Variants in TLN2 observed in about 807,000 individuals in gnomAD.
TLN2 encodes talin 2, also known as talin-2.
Under a neutral mutation model 294.7 loss-of-function variants are expected in TLN2, and 118 were observed. The observed-to-expected ratio is 0.40, with a 90% CI of 0.34 to 0.47. The LOEUF (loss-of-function observed/expected upper bound fraction) is 0.47. TLN2 is among the 20% of genes least tolerant of loss of function. The pLI is 0.84. For missense variants in TLN2, 3,083 were observed against 3,282.2 expected (o/e 0.94, Z 1.48); for synonymous variants, 1,431 against 1,304.5 (o/e 1.10, Z -2.09).
chr15:62,577,975 A>G (rs1206819151), intron 1 of TLN2, among the ~76,000 whole-genome samples: 1 of 152,142 alleles, frequency 6.6e-6, no homozygotes, highest in Non-Finnish European at 1.5e-5. Flanking sequence ...TAGTTTGCTG[A>G]GAATGATGGT....
chr15:62,833,591 G>C lies in TLN2; in HGVS notation c.7090G>C (p.Ala2364Pro). 6.2e-7 allele frequency: 1 copy of C among 1,614,140 alleles called. No individual in the cohort carries two copies. The highest frequency in any genetic ancestry group is 1.1e-5 in the South Asian group (1 of 91,066). The change falls in exon 55 of 59, where the codon GCC (alanine) becomes CCC (proline). Residue 2364 changes from alanine (A) to proline (P), a missense_variant. Coordinates refer to ENST00000636159, the MANE Select transcript of TLN2 (RefSeq NM_015059.3). Reference sequence around the variant, plus strand: ...TGCCACAAGCGCCCTGGTCAAATCGGCCTCAGCAGCCCAGAGGGAGCTGGT... The same window carrying C: ...TGCCACAAGCGCCCTGGTCAAATCGCCCTCAGCAGCCCAGAGGGAGCTGGT... Reference protein sequence around the residue: ...AAATSALVKSASAAQRELVAQ... With the variant: ...AAATSALVKSPSAAQRELVAQ...
At chr15:62,397,639 C>T (rs2032663193) in intron 1 of TLN2, among the ~76,000 whole-genome samples, 1 of 152,184 alleles carries the variant, frequency 6.6e-6, no homozygotes, top group African/African-American at 2.4e-5. Context: ...CCACTGGAAA[C>T]CAGGGCTGTG....
chr15:62,644,474 C>A, intron 3 of TLN2: 1 of 455,934 alleles, frequency 2.2e-6, no homozygotes, highest in Middle Eastern at 3.3e-4. Flanking sequence ...GCGTTCAATT[C>A]TATATTCCAC....
chr15:62,649,288 G>T (rs891087624), intron 4 of TLN2, among the ~76,000 whole-genome samples: 1 of 150,488 alleles, frequency 6.6e-6, no homozygotes, highest in Non-Finnish European at 1.5e-5. Flanking sequence ...TTTTTCTGTC[G>T]GATTTTTTTT....
intron 1 of TLN2, among the ~76,000 whole-genome samples, chr15:62,568,960 GGAAGCCA>G (rs753237805): frequency 2.6e-5 from 4 of 152,124 alleles, no homozygotes; most frequent in Non-Finnish European, 5.9e-5. Context: ...TCCCAGTTCT[GGAAGCCA>G]GAAGTCCCAA....
intron 22 of TLN2, among the ~76,000 whole-genome samples, chr15:62,715,876 C>A (rs531803325): frequency 9.2e-5 from 14 of 152,304 alleles, no homozygotes; most frequent in African/African-American, 3.4e-4. Context: ...TTCCCTCTGT[C>A]CCCACCTGAG....
intron 1 of TLN2, among the ~76,000 whole-genome samples, chr15:62,477,920 G>A (rs1441959055): frequency 2.9e-5 from 4 of 139,060 alleles, no homozygotes; most frequent in African/African-American, 7.9e-5. Context: ...GTGCAGCGGG[G>A]GCAGAGGGGA....
At chr15:62,608,619 GATC>G (rs2140812367) in intron 2 of TLN2, among the ~76,000 whole-genome samples, 1 of 152,274 alleles carries the variant, frequency 6.6e-6, no homozygotes, top group South Asian at 2.1e-4. Context: ...AAGTTACTGA[GATC>G]AGCGACACAG....
intron 2 of TLN2, among the ~76,000 whole-genome samples, chr15:62,610,663 C>G (rs917176378): frequency 5.3e-5 from 8 of 152,286 alleles, no homozygotes; most frequent in East Asian, 1.9e-4. Flanking sequence ...AACAAGAAAG[C>G]AGAGAGTTGC....
chr15:62,429,532 T>A (rs752647337), intron 1 of TLN2, among the ~76,000 whole-genome samples: 3 of 152,092 alleles, frequency 2.0e-5, no homozygotes, highest in Non-Finnish European at 4.4e-5. Flanking sequence ...GTTTGTAGTT[T>A]AGCAGGGAAC....
intron 1 of TLN2, among the ~76,000 whole-genome samples, chr15:62,522,651 C>G (rs2040518651): frequency 1.3e-5 from 2 of 151,844 alleles, no homozygotes; most frequent in South Asian, 4.2e-4. Context: ...CTTGTTAACC[C>G]CCGAGGCTTT....
At chr15:62,836,188 C>T (rs2069537535) in intron 57 of TLN2, 115 bp downstream of exon 57, 15 of 1,426,692 alleles carry the variant, frequency 1.1e-5, no homozygotes, top group Non-Finnish European at 1.4e-5. Flanking sequence ...TCAGCCAGCC[C>T]TGTCCACGTT....
intron 1 of TLN2, among the ~76,000 whole-genome samples, chr15:62,435,754 G>A (rs1033138428): frequency 1.3e-5 from 2 of 152,000 alleles, no homozygotes; most frequent in African/African-American, 2.4e-5. Flanking sequence ...GTTGGCCTGG[G>A]TGGTCTTGAA....
chr15:62,594,502 C>T, intron 2 of TLN2, among the ~76,000 whole-genome samples: 1 of 152,232 alleles, frequency 6.6e-6, no homozygotes, highest in Non-Finnish European at 1.5e-5. Flanking sequence ...CCACCATGCC[C>T]ATCTCACCCA....
intron 32 of TLN2, among the ~76,000 whole-genome samples, chr15:62,742,458 G>C (rs1029177761): frequency 6.6e-6 from 1 of 152,058 alleles, no homozygotes; most frequent in Non-Finnish European, 1.5e-5. Flanking sequence ...TTCCAGCTTG[G>C]AATGGCTTCA....
At chr15:62,704,990 A>C (rs950485495) in intron 19 of TLN2, among the ~76,000 whole-genome samples, 4 of 152,238 alleles carry the variant, frequency 2.6e-5, no homozygotes, top group African/African-American at 7.2e-5. Context: ...AGTGCCAAGG[A>C]AGGTTAAGGA....
chr15:62,512,299 A>G (rs185521006), intron 1 of TLN2, among the ~76,000 whole-genome samples: 8 of 152,236 alleles, frequency 5.3e-5, no homozygotes, highest in Admixed American at 3.9e-4. Context: ...TCGGTTGTCT[A>G]TTCTCAGAAG....
chr15:62,732,252 G>A (rs576965802), intron 28 of TLN2, among the ~76,000 whole-genome samples: 52 of 152,292 alleles, frequency 3.4e-4, no homozygotes, highest in Non-Finnish European at 6.3e-4. Context: ...TACATGTTGC[G>A]TCATCTCATA....
At chr15:62,464,261 A>C (rs2036980337) in intron 1 of TLN2, among the ~76,000 whole-genome samples, 1 of 152,246 alleles carries the variant, frequency 6.6e-6, no homozygotes, top group Non-Finnish European at 1.5e-5. Context: ...GGATGAGTTC[A>C]TGTCCTTTGC....
Sources: allele counts gnomAD v4.1 joint callset (sites outside exome capture counted in the v4.1 genomes callset), GRCh38; gene constraint gnomAD v4.1.1; transcripts MANE v1.5; gene names NCBI Gene and HGNC (gene_info 2026-07-23, HGNC 2026-07-21).